DDX25: variants seen among roughly 807,000 people sequenced by gnomAD.
DDX25 encodes the protein DEAD-box helicase 25.
Under a neutral mutation model 64.6 loss-of-function variants are expected in DDX25, and 70 were observed. The ratio of observed to expected loss-of-function variants is 1.08; its 90% CI spans 0.89 to 1.32. The LOEUF (loss-of-function observed/expected upper bound fraction) is 1.32, where lower values mean the gene tolerates loss of function less well. DDX25 is among the 40% of genes most tolerant of loss of function. The pLI, the probability that DDX25 is intolerant of heterozygous loss-of-function variation, is 0.00. For missense variants in DDX25, 587 were observed against 604.4 expected (o/e 0.97, Z 0.30); for synonymous variants, 211 against 213.3 (o/e 0.99, Z 0.09).
chr11:125,904,608 AGC>A, intron 1 of DDX25, 28 bp downstream of exon 1: 1 of 1,440,204 alleles, frequency 6.9e-7, no homozygotes, highest in Non-Finnish European at 9.1e-7. Flanking sequence ...GGGGGGCCAC[AGC>A]CGCGGGGGTG....
chr11:125,908,125 C>A, intron 4 of DDX25, 71 bp from the exon 5 acceptor site: 1 of 1,260,470 alleles, frequency 7.9e-7, no homozygotes, highest in Non-Finnish European at 1.1e-6. Context: ...AGAAATGCAC[C>A]TTTCAGGTAT....
chr11:125,918,490 G>A, intron 9 of DDX25, 138 bp from the exon 10 acceptor site: 4 of 1,150,536 alleles, frequency 3.5e-6, no homozygotes, highest in Non-Finnish European at 4.8e-6. Context: ...TAAGGCCCTG[G>A]AGGACTGAGG....
At chr11:125,908,620 C>G in intron 6 of DDX25, 117 bp downstream of exon 6, 1 of 1,049,762 alleles carries the variant, frequency 9.5e-7, no homozygotes, top group Non-Finnish European at 1.4e-6. Flanking sequence ...TTAGAAAAGA[C>G]ATGTTTTCAT....
At chr11:125,907,755 A>G (rs1413199007) in intron 4 of DDX25, among the ~76,000 whole-genome samples, 2 of 152,254 alleles carry the variant, frequency 1.3e-5, no homozygotes, top group African/African-American at 2.4e-5. Context: ...AAGAACTAAT[A>G]TAAGAATCAC....
intron 8 of DDX25, among the ~76,000 whole-genome samples, chr11:125,914,538 C>G (rs926336732): frequency 2.0e-5 from 3 of 152,160 alleles, no homozygotes; most frequent in Non-Finnish European, 4.4e-5. Context: ...CTTCTGCTTC[C>G]ACAGGCCTAG....
At chr11:125,912,203 T>G (rs1213978694) in intron 8 of DDX25, among the ~76,000 whole-genome samples, 1 of 152,220 alleles carries the variant, frequency 6.6e-6, no homozygotes, top group African/African-American at 2.4e-5. Context: ...TACTGCTGTT[T>G]CCTGATGTAT....
chr11:125,918,069 C>CG (rs1210463564), intron 9 of DDX25, among the ~76,000 whole-genome samples: 1 of 151,938 alleles, frequency 6.6e-6, no homozygotes, highest in Non-Finnish European at 1.5e-5. Flanking sequence ...TTAGTAGAGA[C>CG]GGGGTTTCAC....
chr11:125,904,287 C>T (rs1361777527), upstream of DDX25: 2 of 362,290 alleles, frequency 5.5e-6, no homozygotes, highest in Non-Finnish European at 9.8e-6. Context: ...CTGCCCTCCG[C>T]CCCGCTCTCT....
In DDX25 at chr11:125,908,281, G is replaced by T; in HGVS notation, c.397G>T (p.Ala133Ser). The change falls in exon 5 of 12, where the codon GCA becomes TCA. Residue 133 changes from alanine to serine, a missense_variant. Coordinates refer to ENST00000263576, the MANE Select transcript of DDX25 (RefSeq NM_013264.5). ...AGAGATGGCTCTCCCTATGATGCTG[G>T]CACATCCGTGAGTTTCCAGGGTAGT... Reference protein sequence around the residue: ...IQEMALPMMLAHPPQNLIAQS... With the variant: ...IQEMALPMMLSHPPQNLIAQS... 1.2e-6 allele frequency: 2 copies of T among 1,613,786 alleles called. No individual in the cohort carries two copies. The highest frequency in any genetic ancestry group is 4.5e-5 in the East Asian group (2 of 44,888).
At chr11:125,910,872 A>G (rs894189433) in intron 7 of DDX25, among the ~76,000 whole-genome samples, 3 of 151,814 alleles carry the variant, frequency 2.0e-5, no homozygotes, top group Admixed American at 1.3e-4. Context: ...CAGAAACGTA[A>G]TGCCAAAGAT....
Position 125,918,866 on chromosome 11 carries a change from CGAGTTTCGA to C in DDX25, c.1201+77_1201+85del, listed in dbSNP as rs529545826. ...CATTCCTTTTAAGTGTACAGTTTCG[CGAGTTTCGA>C]CAAACATGCAATCATGCAGCTATCA... On this transcript the variant is annotated intron_variant, in intron 10 of 11. Coordinates refer to ENST00000263576, the MANE Select transcript of DDX25 (RefSeq NM_013264.5). 1.1e-3 allele frequency: 1,584 copies of C among 1,438,818 alleles called. 5 individuals carry two copies. Among genetic ancestry groups the C allele is most frequent in the Non-Finnish European group, 1.3e-3 (1,452 of 1,078,096 alleles). The allele number at this position is 1,438,818 out of a possible 1,614,324, so 89.1% of individuals were successfully genotyped here. A position where few individuals can be genotyped will look rare whatever the true frequency, so the allele number is the denominator to read the frequency against.
intron 8 of DDX25, among the ~76,000 whole-genome samples, chr11:125,916,268 C>T (rs74362234): frequency 0.042 from 6,388 of 152,134 alleles, 228 homozygotes; most frequent in Non-Finnish European, 0.062. Flanking sequence ...AGAAATACAC[C>T]AATGATAAGT....
chr11:125,905,715 C>T, intron 3 of DDX25, 118 bp downstream of exon 3: 1 of 1,016,394 alleles, frequency 9.8e-7, no homozygotes, highest in Non-Finnish European at 1.5e-6. Context: ...CTTCTGTTTT[C>T]TTATAGTGAC....
intron 8 of DDX25, 67 bp from the exon 9 acceptor site, chr11:125,916,947 G>T: frequency 2.1e-6 from 3 of 1,451,082 alleles, no homozygotes; most frequent in Non-Finnish European, 2.8e-6. Flanking sequence ...GATGGCAGTG[G>T]CATGAAGTGC....
intron 10 of DDX25, among the ~76,000 whole-genome samples, chr11:125,919,178 C>T (rs1226962714): frequency 6.6e-6 from 1 of 152,178 alleles, no homozygotes; most frequent in Non-Finnish European, 1.5e-5. Flanking sequence ...ATTGACAGTT[C>T]GTCTGTCCAC....
At chr11:125,915,438 T>TAAGTC (rs1945025133) in intron 8 of DDX25, among the ~76,000 whole-genome samples, 1 of 152,278 alleles carries the variant, frequency 6.6e-6, no homozygotes, top group South Asian at 2.1e-4. Flanking sequence ...TTTTTCATAC[T>TAAGTC]AAGTCTTCAA....
At chr11:125,909,413 C>T (rs1488358165) in intron 6 of DDX25, among the ~76,000 whole-genome samples, 1 of 152,122 alleles carries the variant, frequency 6.6e-6, no homozygotes, top group Non-Finnish European at 1.5e-5. Context: ...GGCTATGTTT[C>T]CCTATCACAG....
chr11:125,915,773 C>T (rs1015967662), intron 8 of DDX25, among the ~76,000 whole-genome samples: 5 of 152,164 alleles, frequency 3.3e-5, no homozygotes, highest in Non-Finnish European at 7.4e-5. Flanking sequence ...CTCACAGCTC[C>T]TAGACCTCCC....
intron 9 of DDX25, 109 bp downstream of exon 9, chr11:125,917,360 TG>T: frequency 2.0e-6 from 2 of 987,960 alleles, no homozygotes; most frequent in Non-Finnish European, 3.0e-6. Flanking sequence ...ACTTCTTGTG[TG>T]TCTCCAGTTT....
Sources: gnomAD v4.1 joint callset for allele counts (sites outside exome capture counted in the v4.1 genomes callset) on GRCh38, gnomAD v4.1.1 for gene constraint, MANE v1.5 for transcripts, NCBI Gene and HGNC (gene_info 2026-07-23, HGNC 2026-07-21) for gene names.